Variants in LRP1B observed in about 807,000 individuals in gnomAD.
LRP1B encodes the protein low-density lipoprotein receptor-related protein 1B.
Under a neutral mutation model 556.6 loss-of-function variants are expected in LRP1B, and 217 were observed. That is an observed-to-expected ratio of 0.39 (90% confidence interval 0.35 to 0.44). LRP1B has a LOEUF of 0.44. Among genes scored for constraint, LRP1B ranks in the 20% least tolerant of loss-of-function variants. LRP1B has a pLI of 1.00. For missense variants in LRP1B, 5,053 were observed against 5,620.8 expected (o/e 0.90, Z 3.23); for synonymous variants, 2,047 against 1,865.8 (o/e 1.10, Z -2.50).
At chr2:141,500,689 C>T (rs1158703343) in intron 2 of LRP1B, among the ~76,000 whole-genome samples, 2 of 152,052 alleles carry the variant, frequency 1.3e-5, no homozygotes, top group Non-Finnish European at 2.9e-5. Context: ...TCAGTGGTTC[C>T]TCTTGGATTT....
intron 1 of LRP1B, among the ~76,000 whole-genome samples, chr2:141,890,481 G>A (rs1365719704): frequency 1.3e-5 from 2 of 150,790 alleles, no homozygotes; most frequent in South Asian, 2.1e-4. Context: ...ATAATCACAC[G>A]TCTGCAAGTA....
chr2:141,681,373 A>G (rs912989461), intron 2 of LRP1B, among the ~76,000 whole-genome samples: 1 of 152,180 alleles, frequency 6.6e-6, no homozygotes, highest in African/African-American at 2.4e-5. Context: ...TAAGTCTCAG[A>G]AAGTCTAAGT....
chr2:140,240,182 G>C (rs143612339), intron 87 of LRP1B, among the ~76,000 whole-genome samples: 107 of 150,052 alleles, frequency 7.1e-4, no homozygotes, highest in African/African-American at 2.5e-3. Flanking sequence ...ACAGAATTAG[G>C]GGGTGAAGAG....
At chr2:140,639,522 G>T (rs115602316) in intron 41 of LRP1B, among the ~76,000 whole-genome samples, 1 of 152,192 alleles carries the variant, frequency 6.6e-6, no homozygotes, top group African/African-American at 2.4e-5. Flanking sequence ...CATTCGAATA[G>T]GTCAATTAAA....
intron 10 of LRP1B, among the ~76,000 whole-genome samples, chr2:141,053,654 AC>A (rs1368302959): frequency 6.6e-6 from 1 of 151,940 alleles, no homozygotes; most frequent in Non-Finnish European, 1.5e-5. Flanking sequence ...TTTTGTAGGC[AC>A]CTATTTACAT....
At chr2:141,755,156 A>G (rs1321255930) in intron 2 of LRP1B, among the ~76,000 whole-genome samples, 1 of 152,140 alleles carries the variant, frequency 6.6e-6, no homozygotes, top group Non-Finnish European at 1.5e-5. Context: ...AGTGAAGAAG[A>G]TTCTGAGAGT....
chr2:141,799,554 A>G (rs1695934020), intron 2 of LRP1B, among the ~76,000 whole-genome samples: 2 of 151,984 alleles, frequency 1.3e-5, no homozygotes, highest in African/African-American at 4.8e-5. Context: ...CCCTAAATAA[A>G]CTTGGAGGCT....
At position 140,752,533 on chromosome 2, in the gene LRP1B, C is replaced by A. The variant is rs1688617220; in HGVS notation, c.5758+16680G>T. On this transcript the variant is annotated intron_variant, in intron 35 of 90. Coordinates refer to ENST00000389484, the MANE Select transcript of LRP1B (RefSeq NM_018557.3). Reference sequence around the variant, plus strand: ...AGAGACAGGGTTTTGCCATATTGGCCAGGCTGGTCTCAAATTCCTGACCTC... The same window carrying A: ...AGAGACAGGGTTTTGCCATATTGGCAAGGCTGGTCTCAAATTCCTGACCTC... Among the ~76,000 whole-genome samples, 4 of 152,084 alleles carry A rather than the reference C, an allele frequency of 2.6e-5. No individual in the cohort carries two copies. In the South Asian group the frequency reaches 8.3e-4, roughly 32 times the overall value.
At chr2:142,078,014 C>T (rs1022096716) in intron 1 of LRP1B, among the ~76,000 whole-genome samples, 15 of 152,262 alleles carry the variant, frequency 9.9e-5, no homozygotes, top group African/African-American at 3.4e-4. Context: ...TGAAACACCA[C>T]TTTTTCTCCT....
At chr2:140,768,653 C>T (rs776868567) in intron 35 of LRP1B, among the ~76,000 whole-genome samples, 4 of 151,856 alleles carry the variant, frequency 2.6e-5, no homozygotes, top group East Asian at 1.9e-4. Context: ...TGTTAGTGTC[C>T]GCTTTGCTTC....
chr2:141,331,101 A>G (rs992282672), intron 3 of LRP1B, among the ~76,000 whole-genome samples: 3 of 152,160 alleles, frequency 2.0e-5, no homozygotes, highest in Admixed American at 6.5e-5. Context: ...CTAAAAGCCA[A>G]CTTTGCTTTG....
In LRP1B at chr2:141,112,071, T is replaced by TAATAAATAAATA. The variant is rs71391645; in HGVS notation, c.1014-49810_1014-49799dup. ...AAAAATAAATAAATAAATAAATAAA[T>TAATAAATAAATA]AATAAATAAATAAATAAATAAATAA... On this transcript the variant is annotated intron_variant, in intron 7 of 90. Transcript: ENST00000389484. 2.1e-5 allele frequency among the ~76,000 whole-genome samples: 3 copies of TAATAAATAAATA among 145,752 alleles called. No homozygotes were observed. In the South Asian group the frequency reaches 6.4e-4, roughly 31 times the overall value.
intron 66 of LRP1B, among the ~76,000 whole-genome samples, chr2:140,419,247 A>G (rs1348682363): frequency 6.6e-6 from 1 of 152,256 alleles, no homozygotes; most frequent in Non-Finnish European, 1.5e-5. Flanking sequence ...CAGTTCATCA[A>G]GAGAAACATA....
intron 3 of LRP1B, among the ~76,000 whole-genome samples, chr2:141,323,109 C>G (rs1687304423): frequency 6.6e-6 from 1 of 152,072 alleles, no homozygotes; most frequent in South Asian, 2.1e-4. Context: ...GCTGCTGCTA[C>G]TACTAATGTC....
chr2:141,172,420 A>T (rs1208708770), intron 7 of LRP1B, among the ~76,000 whole-genome samples: 3 of 152,098 alleles, frequency 2.0e-5, no homozygotes, highest in African/African-American at 7.2e-5. Context: ...GTTATGAAAA[A>T]TGCTATTAAT....
chr2:140,677,425 T>C (rs1685709262), intron 41 of LRP1B, among the ~76,000 whole-genome samples: 1 of 152,170 alleles, frequency 6.6e-6, no homozygotes, highest in Admixed American at 6.5e-5. Flanking sequence ...TGAGAATTTT[T>C]GTAGCTTTAG....
chr2:142,027,336 G>A (rs1402750772), intron 1 of LRP1B, among the ~76,000 whole-genome samples: 1 of 151,184 alleles, frequency 6.6e-6, no homozygotes, highest in East Asian at 1.9e-4. Flanking sequence ...TTAGAATTAG[G>A]TTAAGAAGTG....
intron 1 of LRP1B, among the ~76,000 whole-genome samples, chr2:141,854,221 T>C (rs1356761983): frequency 6.6e-6 from 1 of 151,962 alleles, no homozygotes; most frequent in East Asian, 1.9e-4. Context: ...TTAAAAAGCA[T>C]GAGCAAGTTC....
intron 22 of LRP1B, among the ~76,000 whole-genome samples, chr2:140,906,910 T>A (rs1694270040): frequency 6.6e-6 from 1 of 151,796 alleles, no homozygotes. Flanking sequence ...ACTGTTGCAT[T>A]CACTGTTTCA....
Sources: gnomAD v4.1 joint callset for allele counts (sites outside exome capture counted in the v4.1 genomes callset) on GRCh38, gnomAD v4.1.1 for gene constraint, MANE v1.5 for transcripts, NCBI Gene and HGNC (gene_info 2026-07-23, HGNC 2026-07-21) for gene names.